Variants in MCOLN2 observed in about 807,000 individuals in gnomAD.
MCOLN2 encodes mucolipin TRP cation channel 2, also known as mucolipin-2.
MCOLN2 carries 57 observed loss-of-function variants against 67.5 expected under a neutral mutation model. The ratio of observed to expected loss-of-function variants is 0.84; its 90% confidence interval spans 0.68 to 1.05. The LOEUF (loss-of-function observed/expected upper bound fraction) is 1.05, where lower values mean the gene tolerates loss of function less well. MCOLN2 is among the 50% of genes least tolerant of loss of function. The probability of loss-of-function intolerance (pLI) is 0.00; values close to 1 mark genes in which losing one functional copy is unlikely to be tolerated. For synonymous variants in MCOLN2, 246 were observed against 233.3 expected, an observed-to-expected ratio of 1.05 and a Z score of -0.50; for missense variants, 620 against 678.8, an observed-to-expected ratio of 0.91 and a Z score of 0.96.
At chr1:84,952,792 T>A (rs370776712) in intron 4 of MCOLN2, among the ~76,000 whole-genome samples, 3 of 152,228 alleles carry the variant, frequency 2.0e-5, no homozygotes, top group Non-Finnish European at 4.4e-5. Flanking sequence ...TACAATGAAC[T>A]GAGAAGCATA....
intron 1 of MCOLN2, among the ~76,000 whole-genome samples, chr1:84,975,136 AG>A (rs1371607963): frequency 6.6e-6 from 1 of 152,204 alleles, no homozygotes; most frequent in African/African-American, 2.4e-5. Flanking sequence ...GGAAGAACAC[AG>A]GCCTGGTTGG....
At chr1:84,938,134 C>A (rs780244549) in intron 9 of MCOLN2, 52 bp from the exon 10 acceptor site, 2 of 1,329,932 alleles carry the variant, frequency 1.5e-6, no homozygotes, top group South Asian at 2.5e-5. Context: ...TTTGACTCCA[C>A]TTAGCTTATT....
intron 1 of MCOLN2, among the ~76,000 whole-genome samples, chr1:84,981,489 C>T (rs1037165422): frequency 2.6e-5 from 4 of 152,094 alleles, no homozygotes; most frequent in Admixed American, 1.3e-4. Context: ...AAAATGAGAT[C>T]CTGTCATTTG....
intron 4 of MCOLN2, among the ~76,000 whole-genome samples, chr1:84,953,550 CAAAAAAAA>C (rs138750958): frequency 8.4e-6 from 1 of 118,368 alleles, no homozygotes; most frequent in Non-Finnish European, 1.8e-5. Flanking sequence ...AACTCTATCT[CAAAAAAAA>C]AAAAAAAAAA....
intron 1 of MCOLN2, among the ~76,000 whole-genome samples, chr1:84,987,575 TAC>T (rs1491147301): frequency 3.4e-5 from 3 of 87,296 alleles, no homozygotes; most frequent in African/African-American, 1.3e-4. Context: ...CATAGATGTA[TAC>T]ATAGATATAT....
At chr1:84,951,615 T>C (rs570383372) in intron 6 of MCOLN2, among the ~76,000 whole-genome samples, 4 of 152,346 alleles carry the variant, frequency 2.6e-5, no homozygotes, top group Non-Finnish European at 2.9e-5. Context: ...AAGAACACTA[T>C]AGACATGTAA....
At chr1:84,979,702 A>C (rs1650162726) in intron 1 of MCOLN2, among the ~76,000 whole-genome samples, 1 of 152,298 alleles carries the variant, frequency 6.6e-6, no homozygotes, top group Middle Eastern at 3.4e-3. Flanking sequence ...TATACAGCAT[A>C]CCCACAGCTA....
intron 4 of MCOLN2, among the ~76,000 whole-genome samples, chr1:84,956,209 G>A (rs1172340252): frequency 6.6e-6 from 1 of 151,740 alleles, no homozygotes. Flanking sequence ...ACAATCTTGA[G>A]TTGCTCCAAA....
At chr1:84,963,077 C>A (rs1316434643) in intron 2 of MCOLN2, among the ~76,000 whole-genome samples, 3 of 152,142 alleles carry the variant, frequency 2.0e-5, no homozygotes, top group African/African-American at 7.2e-5. Context: ...GACTCCAGAG[C>A]CAGACTGCCC....
chr1:84,951,838 C>A (rs576336352), intron 6 of MCOLN2, among the ~76,000 whole-genome samples: 3 of 151,978 alleles, frequency 2.0e-5, no homozygotes, highest in Admixed American at 6.6e-5. Context: ...TTTGGGAGGC[C>A]GAGGCAGGCA....
intron 1 of MCOLN2, among the ~76,000 whole-genome samples, chr1:84,977,496 C>T (rs1557659598): frequency 6.6e-6 from 1 of 151,722 alleles, no homozygotes; most frequent in Non-Finnish European, 1.5e-5. Flanking sequence ...ACAAAAAATA[C>T]ACTTCACCTA....
intron 2 of MCOLN2, among the ~76,000 whole-genome samples, chr1:84,962,613 G>T (rs1036204579): frequency 2.0e-5 from 3 of 152,178 alleles, no homozygotes; most frequent in Admixed American, 1.3e-4. Context: ...TGTGCTGGAT[G>T]GTCAGGCAAG....
chr1:84,930,629 T>C (rs1012682128), intron 12 of MCOLN2, among the ~76,000 whole-genome samples: 1 of 152,140 alleles, frequency 6.6e-6, no homozygotes, highest in African/African-American at 2.4e-5. Flanking sequence ...CACTTACTTA[T>C]CTTCCCACAC....
chr1:84,927,970 CA>C (rs1661238700), intron 13 of MCOLN2, among the ~76,000 whole-genome samples: 1 of 152,084 alleles, frequency 6.6e-6, no homozygotes, highest in Admixed American at 6.5e-5. Context: ...TAGATGGAGT[CA>C]AAGCCATCAC....
Position 84,929,654 on chromosome 1 carries a change from T to C in MCOLN2, c.1568A>G (p.Glu523Gly). 6.2e-7 allele frequency: 1 copy of C among 1,613,622 alleles called. No individual in the cohort carries two copies. Among genetic ancestry groups the C allele is most frequent in the Non-Finnish European group, 8.5e-7 (1 of 1,179,668 alleles). ...IKKFQQNGFPETDLQEFLKEC... is the reference protein window; with the variant it reads ...IKKFQQNGFPGTDLQEFLKEC... ...CTTCAGGAATTCCTGCAAATCCGTT[T>C]CAGGAAACCCATTCTGTTGGAATTT... Residue 523 changes from glutamate (E) to glycine (G), a missense_variant, in exon 13 of 14, where the codon GAA becomes GGA. Transcript: ENST00000370608.
intron 3 of MCOLN2, among the ~76,000 whole-genome samples, chr1:84,957,041 G>A (rs1648832422): frequency 1.3e-5 from 2 of 152,004 alleles, no homozygotes; most frequent in East Asian, 1.9e-4. Flanking sequence ...CCCTCCCCAA[G>A]CCAAGGAAAA....
chr1:84,956,555 C>T lies in MCOLN2; in HGVS notation c.441G>A (p.Gly147=). 2 of 1,607,698 alleles carry T rather than the reference C, an allele frequency of 1.2e-6. No individual in the cohort carries two copies. Among genetic ancestry groups the T allele is most frequent in the Non-Finnish European group, 1.7e-6 (2 of 1,178,114 alleles). The change falls in exon 4 of 14, where the codon GGG becomes GGA. Residue 147 remains glycine, a synonymous_variant. Transcript: ENST00000370608. ...QYHQLKDITL[G]TLGYGENEDN... is the part of the protein sequence containing the mutation. ...CTTCATTTTCTCCATAACCAAGGGTCCCCAGGGTAATGTCCTTTAGCTGAT... is the reference window on the plus strand; with the variant it reads ...CTTCATTTTCTCCATAACCAAGGGTTCCCAGGGTAATGTCCTTTAGCTGAT...
intron 7 of MCOLN2, among the ~76,000 whole-genome samples, chr1:84,944,391 G>C (rs531985134): frequency 6.6e-6 from 1 of 152,056 alleles, no homozygotes; most frequent in African/African-American, 2.4e-5. Flanking sequence ...AAAATAGTCG[G>C]GCGTGGTGGG....
At chr1:84,958,156 T>C (rs1349375029) in intron 3 of MCOLN2, among the ~76,000 whole-genome samples, 2 of 152,154 alleles carry the variant, frequency 1.3e-5, no homozygotes, top group African/African-American at 4.8e-5. Context: ...ATCAACCCAC[T>C]TTAGCCTCCC....
Sources: allele counts gnomAD v4.1 joint callset (sites outside exome capture counted in the v4.1 genomes callset), GRCh38; gene constraint gnomAD v4.1.1; transcripts MANE v1.5; gene names NCBI Gene and HGNC (gene_info 2026-07-23, HGNC 2026-07-21).